ZBTB38: variants seen among roughly 807,000 people sequenced by gnomAD.
ZBTB38 encodes the protein zinc finger and BTB domain-containing protein 38.
A neutral mutation model predicts 76.8 loss-of-function variants in ZBTB38; 20 were observed. The observed-to-expected ratio is 0.26, with a 90% CI of 0.18 to 0.38. The LOEUF (loss-of-function observed/expected upper bound fraction) is 0.38. Ranked by LOEUF, ZBTB38 falls within the 10% of genes least tolerant of loss-of-function variation. ZBTB38 has a pLI of 1.00. For synonymous variants in ZBTB38, 504 were observed against 544.2 expected (o/e 0.93, Z 1.03); for missense variants, 1,082 against 1,482.3 (o/e 0.73, Z 4.43).
intron 1 of ZBTB38, among the ~76,000 whole-genome samples, chr3:141,340,696 G>A (rs564347262): frequency 6.6e-6 from 1 of 152,096 alleles, no homozygotes; most frequent in Admixed American, 6.5e-5. Flanking sequence ...AGCAGATCAA[G>A]ACCATCCTGG....
chr3:141,356,898 A>G (rs913971927), intron 1 of ZBTB38, among the ~76,000 whole-genome samples: 4 of 152,268 alleles, frequency 2.6e-5, no homozygotes, highest in Non-Finnish European at 5.9e-5. Flanking sequence ...ATTAATCATC[A>G]AGAATGACTT....
intron 4 of ZBTB38, among the ~76,000 whole-genome samples, chr3:141,395,880 C>T (rs1026545987): frequency 6.6e-6 from 1 of 152,136 alleles, no homozygotes; most frequent in Non-Finnish European, 1.5e-5. Flanking sequence ...GTGTGTAGTA[C>T]CATTATGCCT....
At chr3:141,422,317 G>A (rs901364691) in intron 5 of ZBTB38, among the ~76,000 whole-genome samples, 1 of 152,124 alleles carries the variant, frequency 6.6e-6, no homozygotes, top group African/African-American at 2.4e-5. Context: ...CACCTCTCGG[G>A]CCAGGACACC....
chr3:141,325,146 T>C lies in ZBTB38; in HGVS notation c.-739+690T>C, dbSNP rs544585499. Among the ~76,000 whole-genome samples the C allele has an allele frequency of 2.0e-5, 3 of 152,356 alleles. No individual in the cohort carries two copies. In the East Asian group the frequency reaches 5.8e-4, roughly 29 times the overall value. The stretch of plus-strand genomic sequence containing the variant: ...TAGAATTGACTGCAACTGGTCCATT[T>C]GATATTTAGAAAAGGTCAACTAATC... On this transcript the variant is annotated intron_variant, in intron 1 of 7. Transcript: ENST00000509842.
chr3:141,411,812 T>A (rs1027691158), intron 5 of ZBTB38, among the ~76,000 whole-genome samples: 1 of 152,224 alleles, frequency 6.6e-6, no homozygotes, highest in Non-Finnish European at 1.5e-5. Context: ...CACCATAAAT[T>A]ACCTAAATGG....
At chr3:141,426,775 G>A (rs1013626787) in intron 5 of ZBTB38, among the ~76,000 whole-genome samples, 2 of 152,188 alleles carry the variant, frequency 1.3e-5, no homozygotes, top group African/African-American at 4.8e-5. Context: ...TTTGAACAAA[G>A]CATGTCGGTA....
At position 141,434,184 on chromosome 3, in the gene ZBTB38, A is replaced by G. The variant is rs2078234060; in HGVS notation, c.1-8205A>G. On this transcript the variant is annotated intron_variant, in intron 5 of 5. Transcript: ENST00000321464. ...TGGGAAACCAAAAACTAGAAATTCC[A>G]GAGGAACAAGGCTATGCAGATAAGA... 20 of 985,254 alleles carry G rather than the reference A, an allele frequency of 2.0e-5. No individual in the cohort carries two copies. The South Asian group carries it at 8.5e-4, about 42-fold the overall frequency. 61.0% of individuals were successfully genotyped at this position (985,254 alleles called of 1,614,324 possible).
chr3:141,416,884 C>A (rs918860138), intron 5 of ZBTB38, among the ~76,000 whole-genome samples: 2 of 152,210 alleles, frequency 1.3e-5, no homozygotes, highest in African/African-American at 4.8e-5. Flanking sequence ...GCAGCCCTCA[C>A]AGAGAGCACG....
At chr3:141,412,060 T>C (rs946361762) in intron 5 of ZBTB38, among the ~76,000 whole-genome samples, 6 of 152,234 alleles carry the variant, frequency 3.9e-5, no homozygotes, top group Admixed American at 1.3e-4. Flanking sequence ...GTTTAAATAG[T>C]TGTCTTAACC....
chr3:141,342,400 A>G lies in ZBTB38; in HGVS notation c.-739+17944A>G, dbSNP rs1017954131. Among the ~76,000 whole-genome samples the G allele has an allele frequency of 2.6e-5, 4 of 151,952 alleles. No individual in the cohort carries two copies. The East Asian group carries it at 7.7e-4, about 29-fold the overall frequency. Reference sequence around the variant, plus strand: ...CCAGTGAGACTCTGTCTCAAAAAAAAAAAAAAAAAAAGTAACAATGGTTAA... The same window carrying G: ...CCAGTGAGACTCTGTCTCAAAAAAAGAAAAAAAAAAAGTAACAATGGTTAA... On this transcript the variant is annotated intron_variant, in intron 1 of 7. Coordinates refer to the ZBTB38 transcript ENST00000509842.
intron 1 of ZBTB38, among the ~76,000 whole-genome samples, chr3:141,339,093 C>A (rs867894514): frequency 6.6e-6 from 1 of 151,960 alleles, no homozygotes; most frequent in Non-Finnish European, 1.5e-5. Flanking sequence ...AGAGAGTGGG[C>A]CATGCCAAAT....
In ZBTB38 at chr3:141,442,111, A is replaced by T. The variant is rs1222047029; in HGVS notation, c.1-278A>T. Among the ~76,000 whole-genome samples the T allele has an allele frequency of 2.0e-5, 3 of 151,354 alleles. No individual in the cohort carries two copies. The highest frequency in any genetic ancestry group is 4.4e-5 in the Non-Finnish European group (3 of 67,906). The stretch of plus-strand genomic sequence containing the variant: ...AAACCTCCTCCCCTCCCAAATTTGG[A>T]CATGTATATATAGCTCCAACTTTGG... On this transcript the variant is annotated intron_variant, in intron 5 of 5. Transcript: ENST00000321464. This position sits in a 1 kb window ranked among gnomAD's most constrained non-coding sequence, Gnocchi z 6.4.
intron 5 of ZBTB38, chr3:141,432,155 A>G (rs2077760410): frequency 1.0e-6 from 1 of 985,378 alleles, no homozygotes; most frequent in African/African-American, 1.7e-5. Context: ...TCCGCAGGGA[A>G]TAACAGACCT....
chr3:141,402,180 C>T (rs988385150), intron 4 of ZBTB38, among the ~76,000 whole-genome samples: 1 of 152,118 alleles, frequency 6.6e-6, no homozygotes, highest in Non-Finnish European at 1.5e-5. Context: ...CTTACGGGGC[C>T]CTCACGGGTC....
chr3:141,417,527 C>G (rs2074339267), intron 5 of ZBTB38, among the ~76,000 whole-genome samples: 1 of 152,170 alleles, frequency 6.6e-6, no homozygotes, highest in South Asian at 2.1e-4. Context: ...TTAGTCGATT[C>G]TTCATCCAAA....
intron 1 of ZBTB38, among the ~76,000 whole-genome samples, chr3:141,337,015 C>T (rs1230044225): frequency 3.9e-5 from 6 of 152,222 alleles, no homozygotes; most frequent in African/African-American, 1.4e-4. Context: ...AACACATTCT[C>T]TTTGCAAACA....
intron 5 of ZBTB38, among the ~76,000 whole-genome samples, chr3:141,439,423 A>G (rs1031181141): frequency 2.0e-5 from 3 of 152,250 alleles, no homozygotes; most frequent in African/African-American, 7.2e-5. Context: ...TTTTAATGAC[A>G]TATATAATGA....
intron 1 of ZBTB38, among the ~76,000 whole-genome samples, chr3:141,338,356 C>T (rs750404834): frequency 1.3e-5 from 2 of 152,172 alleles, no homozygotes. Flanking sequence ...GCATGTTTAT[C>T]GCAGCACCAT....
At chr3:141,417,799 G>A (rs966695490) in intron 5 of ZBTB38, among the ~76,000 whole-genome samples, 8 of 152,100 alleles carry the variant, frequency 5.3e-5, no homozygotes, top group African/African-American at 1.9e-4. Flanking sequence ...GCTTGATCAC[G>A]AGGTCAAGAG....
Sources: gnomAD v4.1 joint callset for allele counts (sites outside exome capture counted in the v4.1 genomes callset) on GRCh38, gnomAD v4.1.1 for gene constraint, Gnocchi (gnomAD v3.1) non-coding constraint, MANE v1.5 for transcripts, NCBI Gene and HGNC (gene_info 2026-07-23, HGNC 2026-07-21) for gene names.